Variants in PHEX observed in about 807,000 individuals in gnomAD.
PHEX encodes the protein phosphate regulating endopeptidase X-linked.
A neutral mutation model predicts 68.0 loss-of-function variants in PHEX; 16 were observed. The observed-to-expected ratio is 0.24, with a 90% confidence interval of 0.16 to 0.36. The LOEUF is 0.36. Among genes scored for constraint, PHEX ranks in the 10% least tolerant of loss-of-function variants. The probability of loss-of-function intolerance (pLI) is 1.00; values close to 1 mark genes in which losing one functional copy is unlikely to be tolerated. For synonymous variants in PHEX, 208 were observed against 205.1 expected, an observed-to-expected ratio of 1.01 and a Z score of -0.12; for missense variants, 480 against 575.5, an observed-to-expected ratio of 0.83 and a Z score of 1.70.
chrX:22,212,291 C>T (rs1047961594), intron 15 of PHEX, among the ~76,000 whole-genome samples: 6 of 110,974 alleles, frequency 5.4e-5, no homozygotes, highest in African/African-American at 1.3e-4. Flanking sequence ...TTTGGCATCT[C>T]GCTGAACTCC....
intron 9 of PHEX, among the ~76,000 whole-genome samples, chrX:22,106,778 C>CA (rs10647092): frequency 0.065 from 3,431 of 53,189 alleles, 160 homozygotes; most frequent in Admixed American, 0.2. Flanking sequence ...AACTCTGTCT[C>CA]AAAAAAAAAA....
intron 15 of PHEX, among the ~76,000 whole-genome samples, chrX:22,202,845 T>A (rs1343233314): frequency 3.6e-5 from 4 of 111,873 alleles, no homozygotes; most frequent in Non-Finnish European, 5.6e-5. Flanking sequence ...TTGCCAGATG[T>A]TAAACTATAG....
chrX:22,215,741 C>T (rs372881874), intron 16 of PHEX, among the ~76,000 whole-genome samples: 3 of 110,956 alleles, frequency 2.7e-5, no homozygotes, highest in East Asian at 5.6e-4. Context: ...CCCCCCACCA[C>T]CCTTCCCAGG....
intron 8 of PHEX, among the ~76,000 whole-genome samples, chrX:22,097,422 A>G (rs1443276726): frequency 8.9e-6 from 1 of 112,239 alleles, no homozygotes; most frequent in African/African-American, 3.2e-5. Context: ...GTTCCAAGGT[A>G]TCCATCACAG....
intron 20 of PHEX, among the ~76,000 whole-genome samples, chrX:22,237,658 C>G (rs1257319029): frequency 8.9e-6 from 1 of 112,141 alleles, no homozygotes; most frequent in African/African-American, 3.2e-5. Flanking sequence ...CTCTGACCAA[C>G]TGCTCAGGAC....
At chrX:22,044,573 C>T (rs1017409543) in intron 2 of PHEX, among the ~76,000 whole-genome samples, 4 of 109,153 alleles carry the variant, frequency 3.7e-5, no homozygotes, top group African/African-American at 6.7e-5. Context: ...ATTAGCCGGG[C>T]GTGGTGGCGG....
intron 9 of PHEX, among the ~76,000 whole-genome samples, chrX:22,108,422 G>GGT (rs1452435257): frequency 9.0e-6 from 1 of 110,881 alleles, no homozygotes; most frequent in Non-Finnish European, 1.9e-5. Context: ...ACATTACTTG[G>GGT]GTGATGGGTG....
rs73636816 is a variant in PHEX, at chrX:22,182,847, G to T, written c.1586+4471G>T. 6.3e-3 allele frequency among the ~76,000 whole-genome samples: 700 copies of T among 111,941 alleles called. 6 individuals carry two copies. Among genetic ancestry groups the T allele is most frequent in the African/African-American group, 0.022 (680 of 30,834 alleles). On this transcript the variant is annotated intron_variant, in intron 14 of 21. Coordinates refer to ENST00000379374, the MANE Select transcript of PHEX (RefSeq NM_000444.6). Reference sequence around the variant, plus strand: ...GGTCTCACTGAGCTAGGAGGGACAGGAGTAGTCTCAGGCAAAAAGGCCATA... The same window carrying T: ...GGTCTCACTGAGCTAGGAGGGACAGTAGTAGTCTCAGGCAAAAAGGCCATA...
At chrX:22,133,924 C>A (rs1447704935) in intron 12 of PHEX, among the ~76,000 whole-genome samples, 1 of 112,225 alleles carries the variant, frequency 8.9e-6, no homozygotes, top group Admixed American at 9.5e-5. Flanking sequence ...GTGTCATAAA[C>A]CATCACTGGA....
intron 2 of PHEX, among the ~76,000 whole-genome samples, chrX:22,040,731 G>C: frequency 9.0e-6 from 1 of 110,810 alleles, no homozygotes; most frequent in East Asian, 2.8e-4. Flanking sequence ...CTTGCTAGGT[G>C]AGGTGCAAGT....
intron 3 of PHEX, among the ~76,000 whole-genome samples, chrX:22,064,050 G>C (rs1187806981): frequency 1.8e-5 from 2 of 112,704 alleles, no homozygotes; most frequent in East Asian, 5.5e-4. Flanking sequence ...CTAAGAAAGA[G>C]TAAGCTATTA....
intron 12 of PHEX, among the ~76,000 whole-genome samples, chrX:22,144,809 A>G (rs1932616865): frequency 9.0e-6 from 1 of 110,849 alleles, no homozygotes; most frequent in Non-Finnish European, 1.9e-5. Flanking sequence ...ATTGCAGTCA[A>G]TAGGTACATC....
chrX:22,165,723 A>G (rs760364106), intron 12 of PHEX, among the ~76,000 whole-genome samples: 2 of 112,065 alleles, frequency 1.8e-5, no homozygotes, highest in African/African-American at 3.2e-5. Flanking sequence ...CTGACAGTGT[A>G]CTTGTAAGCT....
In PHEX at chrX:22,093,079, C is replaced by G. The variant is rs1929974776; in HGVS notation, c.733-904C>G. Among the ~76,000 whole-genome samples the G allele has an allele frequency of 2.7e-5, 3 of 112,023 alleles. No individual in the cohort carries two copies. In the South Asian group the frequency reaches 1.1e-3, roughly 42 times the overall value. ...TAAGACTCTTTTCAAAGCTTGCTTA[C>G]TGATTCAACAAAGATTTATTAAAGG... On this transcript the variant is annotated intron_variant, in intron 6 of 21. Transcript: ENST00000379374.
rs771050789 is a variant in PHEX, at chrX:22,227,497, C to G, written c.1966-10C>G. On this transcript the variant is annotated splice_polypyrimidine_tract_variant and intron_variant, in intron 19 of 21. Coordinates refer to ENST00000379374, the MANE Select transcript of PHEX (RefSeq NM_000444.6). Reference sequence around the variant, plus strand: ...TTGCAGAGACTCATCTCTTCTTCTTCTCTCACCAGGCTTACAGGAAATGGA... The same window carrying G: ...TTGCAGAGACTCATCTCTTCTTCTTGTCTCACCAGGCTTACAGGAAATGGA... 3 of 1,157,230 alleles carry G rather than the reference C, an allele frequency of 2.6e-6. No individual in the cohort carries two copies. Among genetic ancestry groups the G allele is most frequent in the South Asian group, 3.6e-5 (2 of 55,636 alleles).
At chrX:22,039,977 C>T (rs967498695) in intron 2 of PHEX, among the ~76,000 whole-genome samples, 7 of 111,453 alleles carry the variant, frequency 6.3e-5, no homozygotes, top group African/African-American at 2.0e-4. Flanking sequence ...GGCTGGGTCA[C>T]AGAGTGGTCA....
At chrX:22,221,989 A>T (rs984472233) in intron 18 of PHEX, among the ~76,000 whole-genome samples, 1 of 111,849 alleles carries the variant, frequency 8.9e-6, no homozygotes, top group African/African-American at 3.3e-5. Context: ...AAAAATACCT[A>T]AATCCTTGCT....
intron 20 of PHEX, among the ~76,000 whole-genome samples, chrX:22,234,058 T>C (rs1445624664): frequency 1.8e-5 from 2 of 112,854 alleles, no homozygotes. Context: ...AACAGGCTCC[T>C]CTGCTGCAGG....
intron 12 of PHEX, among the ~76,000 whole-genome samples, chrX:22,156,284 T>G (rs1449828249): frequency 9.0e-6 from 1 of 110,616 alleles, no homozygotes; most frequent in Non-Finnish European, 1.9e-5. Flanking sequence ...TAGTAAGGTC[T>G]GTTTATGTAA....
Sources: gnomAD v4.1 joint callset for allele counts (sites outside exome capture counted in the v4.1 genomes callset) on GRCh38, gnomAD v4.1.1 for gene constraint, MANE v1.5 for transcripts, NCBI Gene and HGNC (gene_info 2026-07-23, HGNC 2026-07-21) for gene names.